Variants in PLCG2 observed in about 807,000 individuals in gnomAD.
The protein encoded by PLCG2 is phospholipase C gamma 2.
PLCG2 carries 69 observed loss-of-function variants against 175.6 expected under a neutral mutation model. That is an observed-to-expected ratio of 0.39 (90% confidence interval 0.32 to 0.48). PLCG2 has a LOEUF of 0.48. Ranked by LOEUF, PLCG2 falls within the 20% of genes least tolerant of loss-of-function variation. The pLI is 0.91. For synonymous variants in PLCG2, 827 were observed against 624.0 expected (o/e 1.33, Z -4.85); for missense variants, 1,798 against 1,650.9 (o/e 1.09, Z -1.54).
chr16:81,909,878 G>A (rs1188495255), intron 17 of PLCG2, among the ~76,000 whole-genome samples: 1 of 152,136 alleles, frequency 6.6e-6, no homozygotes, highest in Non-Finnish European at 1.5e-5. Context: ...CGCTGGGGTA[G>A]TAATACAGTG....
chr16:81,812,530 G>T (rs1207622428), intron 2 of PLCG2, among the ~76,000 whole-genome samples: 1 of 152,070 alleles, frequency 6.6e-6, no homozygotes, highest in African/African-American at 2.4e-5. Flanking sequence ...CTTTTTGATG[G>T]GGTTGTTTTT....
chr16:81,799,823 G>A (rs1290736554), intron 2 of PLCG2, among the ~76,000 whole-genome samples: 1 of 150,006 alleles, frequency 6.7e-6, no homozygotes, highest in Non-Finnish European at 1.5e-5. Context: ...TCGATCTCCT[G>A]ACCTCGTGAT....
chr16:81,913,273 C>T (rs1241531052), intron 19 of PLCG2, among the ~76,000 whole-genome samples: 5 of 152,182 alleles, frequency 3.3e-5, no homozygotes, highest in African/African-American at 4.8e-5. Context: ...CTCCCCAGCC[C>T]CAGGGTTTCC....
At chr16:81,927,666 A>G (rs1328735146) in intron 23 of PLCG2, among the ~76,000 whole-genome samples, 3 of 152,150 alleles carry the variant, frequency 2.0e-5, no homozygotes, top group African/African-American at 7.2e-5. Context: ...GCACTCCACC[A>G]AGGATGATAT....
chr16:81,761,490 G>T (rs2093865536), intron 2 of PLCG2, among the ~76,000 whole-genome samples: 1 of 152,302 alleles, frequency 6.6e-6, no homozygotes, highest in Middle Eastern at 3.4e-3. Context: ...TTAAGCTTGG[G>T]CAGCAGCCTG....
At chr16:81,910,265 A>G (rs1295772688) in intron 17 of PLCG2, among the ~76,000 whole-genome samples, 2 of 151,920 alleles carry the variant, frequency 1.3e-5, no homozygotes, top group Non-Finnish European at 2.9e-5. Flanking sequence ...TAATTTTTGT[A>G]TTTTTAGTAG....
chr16:81,941,285 C>G (rs1217657925), intron 30 of PLCG2, among the ~76,000 whole-genome samples: 1 of 152,170 alleles, frequency 6.6e-6, no homozygotes, highest in East Asian at 1.9e-4. Context: ...ATAATCCCAG[C>G]TACTTGGAAG....
chr16:81,897,523 C>G (rs9932555), intron 13 of PLCG2, among the ~76,000 whole-genome samples: 1 of 149,944 alleles, frequency 6.7e-6, no homozygotes, highest in East Asian at 2.0e-4. Context: ...ATTATTTTTT[C>G]TCTTTTTTTC....
intron 9 of PLCG2, among the ~76,000 whole-genome samples, chr16:81,887,760 A>C (rs1486030128): frequency 6.6e-6 from 1 of 152,256 alleles, no homozygotes; most frequent in Non-Finnish European, 1.5e-5. Flanking sequence ...AAGTGAAGAA[A>C]GCATTGATCA....
intron 2 of PLCG2, among the ~76,000 whole-genome samples, chr16:81,811,138 A>G (rs989121845): frequency 1.3e-5 from 2 of 152,192 alleles, no homozygotes; most frequent in African/African-American, 4.8e-5. Context: ...CACGTATGAC[A>G]GCAGTGTTGG....
Position 81,810,294 on chromosome 16 carries a change from C to G in PLCG2, c.193+24112C>G, listed in dbSNP as rs1022913072. Among the ~76,000 whole-genome samples, 10 of 152,346 alleles carry G rather than the reference C, an allele frequency of 6.6e-5. No homozygotes were observed. The South Asian group carries it at 1.0e-3, about 16-fold the overall frequency. On this transcript the variant is annotated intron_variant, in intron 2 of 32. Coordinates refer to ENST00000564138, the MANE Select transcript of PLCG2 (RefSeq NM_002661.5). ...GCCACCGTGCCCAGCCCATGCTTCT[C>G]TCCTATCCCAGACGACTCTAGTCTA...
chr16:81,814,585 C>G (rs1904455566), intron 2 of PLCG2, among the ~76,000 whole-genome samples: 1 of 152,066 alleles, frequency 6.6e-6, no homozygotes, highest in Non-Finnish European at 1.5e-5. Context: ...ATCCTAGCTA[C>G]TCGGGAGGCT....
intron 17 of PLCG2, among the ~76,000 whole-genome samples, chr16:81,909,433 A>G (rs76298128): frequency 1.3e-5 from 2 of 152,176 alleles, no homozygotes; most frequent in Non-Finnish European, 2.9e-5. Flanking sequence ...TTAAAAAAAA[A>G]TTGTGATAGG....
chr16:81,883,380 C>G, intron 9 of PLCG2, 39 bp downstream of exon 9: 6 of 1,539,770 alleles, frequency 3.9e-6, no homozygotes, highest in South Asian at 1.1e-5. Context: ...AGGGAGCTGG[C>G]GGGATGCTGC....
intron 25 of PLCG2, 85 bp from the exon 26 acceptor site, chr16:81,934,343 TG>T (rs749453028): frequency 2.2e-5 from 17 of 774,812 alleles, no homozygotes; most frequent in Middle Eastern, 2.5e-4. Flanking sequence ...GAAAGCAAAG[TG>T]GGGATGGAGG....
intron 2 of PLCG2, among the ~76,000 whole-genome samples, chr16:81,833,249 G>T (rs1376723504): frequency 1.3e-5 from 2 of 152,186 alleles, no homozygotes; most frequent in Non-Finnish European, 2.9e-5. Context: ...ACCTTTCTGT[G>T]GGGGCCACAG....
At chr16:81,929,281 C>T (rs1910402626) in intron 24 of PLCG2, among the ~76,000 whole-genome samples, 2 of 152,348 alleles carry the variant, frequency 1.3e-5, no homozygotes, top group African/African-American at 2.4e-5. Flanking sequence ...TTGTTCTGGG[C>T]AGCCCATGAC....
chr16:81,782,691 T>G (rs55768769), intron 1 of PLCG2, among the ~76,000 whole-genome samples: 52,201 of 151,992 alleles, frequency 0.34, 9,283 homozygotes, highest in East Asian at 0.53. Context: ...ATCAAGGAAG[T>G]TTTTCTCTTC....
chr16:81,791,605 C>A (rs1911234179), intron 2 of PLCG2, among the ~76,000 whole-genome samples: 1 of 152,188 alleles, frequency 6.6e-6, no homozygotes, highest in Non-Finnish European at 1.5e-5. Context: ...ATCTCTGTCA[C>A]CCAGGCTGGA....
Sources: allele counts gnomAD v4.1 joint callset (sites outside exome capture counted in the v4.1 genomes callset), GRCh38; gene constraint gnomAD v4.1.1; transcripts MANE v1.5; gene names NCBI Gene and HGNC (gene_info 2026-07-23, HGNC 2026-07-21).